Variants in TIMM50 observed in about 807,000 individuals in gnomAD.
TIMM50 encodes mitochondrial import inner membrane translocase subunit TIM50.
Under a neutral mutation model 49.6 loss-of-function variants are expected in TIMM50, and 34 were observed. That is an observed-to-expected ratio of 0.69 (90% CI 0.52 to 0.91). The LOEUF is 0.91. Ranked by LOEUF, TIMM50 falls within the 40% of genes least tolerant of loss-of-function variation. The pLI, the probability that TIMM50 is intolerant of heterozygous loss-of-function variation, is 0.00. For missense variants in TIMM50, 458 were observed against 477.8 expected (o/e 0.96, Z 0.39); for synonymous variants, 199 against 198.4 (o/e 1.00, Z -0.03).
At position 39,492,852 on chromosome 19, in the gene TIMM50, CAG is replaced by C. The variant is rs1283711284; in HGVS notation, c.*3035_*3036del. ...CACCATTGCACTCCAGCCTGGGCGA[CAG>C]AGTAAGGCTCTGTCTCCAAAAAAAA... is the stretch of plus-strand genomic sequence containing the variant. On this transcript the variant is annotated 3_prime_UTR_variant, in exon 11 of 11. Coordinates refer to ENST00000607714, the MANE Select transcript of TIMM50 (RefSeq NM_001001563.5). 1 of 103,324 alleles carries C rather than the reference CAG, an allele frequency of 9.7e-6. No homozygotes were observed. Among genetic ancestry groups the C allele is most frequent in the African/African-American group, 3.8e-5 (1 of 25,992 alleles). 6.4% of individuals were successfully genotyped at this position (103,324 alleles called of 1,614,324 possible).
intron 8 of TIMM50, among the ~76,000 whole-genome samples, chr19:39,486,754 G>A (rs1166699567): frequency 4.6e-5 from 7 of 152,184 alleles, no homozygotes; most frequent in East Asian, 1.9e-4. Flanking sequence ...AAGGTCGTAC[G>A]ATTTAGAAGC....
At position 39,480,942 on chromosome 19, in the gene TIMM50, C is replaced by T; in HGVS notation, c.89C>T (p.Pro30Leu). The T allele has an allele frequency of 3.2e-6, 5 of 1,585,658 alleles. No individual in the cohort carries two copies. The highest frequency in any genetic ancestry group is 4.3e-6 in the Non-Finnish European group (5 of 1,174,546). The change falls in exon 1 of 11, where the codon CCC (proline) becomes CTC (leucine). Residue 30 changes from proline (P) to leucine (L), a missense_variant. Pro to Leu is a moderately conservative substitution (Grantham distance 98). Transcript: ENST00000607714. ...RGLCTRLATP[P>L]RRAPDQAAEI... ...CTGTGCACGAGGTTGGCGACGCCGC[C>T]CCGCCGGGCCCCAGATCAGGTGAGC...
chr19:39,486,533 G>C, intron 8 of TIMM50, 38 bp downstream of exon 8: 1 of 1,589,388 alleles, frequency 6.3e-7, no homozygotes, highest in East Asian at 2.2e-5. Flanking sequence ...GGGATTTGGC[G>C]GAGTTGGCAC....
intron 8 of TIMM50, among the ~76,000 whole-genome samples, chr19:39,487,072 G>C (rs1446899342): frequency 6.6e-6 from 1 of 152,090 alleles, no homozygotes; most frequent in Admixed American, 6.5e-5. Context: ...TGGTTCCCTG[G>C]GTGTGGCTGC....
chr19:39,489,391 T>C (rs988054135), intron 10 of TIMM50, among the ~76,000 whole-genome samples: 1 of 152,032 alleles, frequency 6.6e-6, no homozygotes, highest in Non-Finnish European at 1.5e-5. Context: ...GGAAGGAGAT[T>C]ATGACAGTCT....
chr19:39,481,739 G>T lies in TIMM50; in HGVS notation c.109-144G>T, dbSNP rs1254981328. ...GACCCTCTGAGCAGCCCCACATCCT[G>T]ACTGCTACTCCAGGGACACAGATGT... On this transcript the variant is annotated intron_variant, in intron 1 of 10. Coordinates refer to ENST00000607714, the MANE Select transcript of TIMM50 (RefSeq NM_001001563.5). 7 of 1,077,604 alleles carry T rather than the reference G, an allele frequency of 6.5e-6. No homozygotes were observed. In the Admixed American group the frequency reaches 1.4e-4, roughly 22 times the overall value. The allele number at this position is 1,077,604 out of a possible 1,614,324, so 66.8% of individuals were successfully genotyped here. A position where few individuals can be genotyped will look rare whatever the true frequency, so the allele number is the denominator to read the frequency against.
chr19:39,485,464 T>G, intron 4 of TIMM50, 80 bp from the exon 5 acceptor site: 2 of 1,556,192 alleles, frequency 1.3e-6, no homozygotes, highest in Non-Finnish European at 1.8e-6. Context: ...TTGTATCTGG[T>G]AGATAAGAAA....
chr19:39,484,225 T>A (rs1560731), intron 4 of TIMM50, among the ~76,000 whole-genome samples: 107,030 of 151,978 alleles, frequency 0.7, 39,292 homozygotes, highest in African/African-American at 0.93. Flanking sequence ...GTAGGTAGCC[T>A]TGTAAGTTTA....
In TIMM50 at chr19:39,490,940, C is replaced by A. The variant is rs1225475377; in HGVS notation, c.*1120C>A. 1.3e-5 allele frequency: 2 copies of A among 151,886 alleles called. No individual in the cohort carries two copies. Among genetic ancestry groups the A allele is most frequent in the East Asian group, 2.0e-4 (1 of 5,008 alleles). The allele number at this position is 151,886 out of a possible 1,614,324, so 9.4% of individuals were successfully genotyped here. On this transcript the variant is annotated 3_prime_UTR_variant, in exon 11 of 11. Transcript: ENST00000607714. ...GGCTGAGGCAGGAGAATTGCTTGAA[C>A]CTGGGAGGCGGAGGTTGTGGTGAGC... is the stretch of plus-strand genomic sequence containing the variant.
intron 4 of TIMM50, among the ~76,000 whole-genome samples, chr19:39,484,225 T>C (rs1560731): frequency 6.6e-6 from 1 of 151,922 alleles, no homozygotes. Context: ...GTAGGTAGCC[T>C]TGTAAGTTTA....
chr19:39,492,316 G>GC lies in TIMM50; in HGVS notation c.*2497dup, dbSNP rs11459078. 0.016 allele frequency: 2,023 copies of GC among 127,262 alleles called. 19 individuals are homozygous for GC. The highest frequency in any genetic ancestry group is 0.025 in the Non-Finnish European group (1,453 of 57,852). 7.9% of individuals were successfully genotyped at this position (127,262 alleles called of 1,614,324 possible). A position where few individuals can be genotyped will look rare whatever the true frequency, so the allele number is the denominator to read the frequency against. ...GCAACATGGGAAGAGCCTGTCTCTT[G>GC]CGGGGGGGGGAGAAGAAAGTTCTTG... On this transcript the variant is annotated 3_prime_UTR_variant, in exon 11 of 11. Coordinates refer to ENST00000607714, the MANE Select transcript of TIMM50 (RefSeq NM_001001563.5).
In TIMM50 at chr19:39,488,154, C is replaced by T. The variant is rs187191660; in HGVS notation, c.790C>T (p.Leu264=). ...CCTGCAGCCCTATAACGGCGTTGCC[C>T]TGCGGCCCTGGGACGGCAACTCTGA... ...FRLQPYNGVA[L]RPWDGNSDDR... Residue 264 remains leucine (L), a synonymous_variant, in exon 9 of 11, where the codon CTG becomes TTG. Coordinates refer to ENST00000607714, the MANE Select transcript of TIMM50 (RefSeq NM_001001563.5). 376 of 1,614,056 alleles carry T rather than the reference C, an allele frequency of 2.3e-4. 6 individuals are homozygous for T. In the East Asian group the frequency reaches 6.4e-3, roughly 27 times the overall value.
At chr19:39,487,416 GCA>G (rs2079514050) in intron 8 of TIMM50, among the ~76,000 whole-genome samples, 1 of 152,020 alleles carries the variant, frequency 6.6e-6, no homozygotes, top group African/African-American at 2.4e-5. Context: ...GGGCCTATAG[GCA>G]CACACCACCA....
At chr19:39,482,837 A>G (rs1177279399) in intron 2 of TIMM50, 48 bp from the exon 3 acceptor site, 2 of 1,613,252 alleles carry the variant, frequency 1.2e-6, no homozygotes, top group South Asian at 2.2e-5. Flanking sequence ...CTCGGGACCC[A>G]GGGGACTGGG....
chr19:39,493,157 G>A lies in TIMM50; in HGVS notation c.*3337G>A, dbSNP rs1043275858. On this transcript the variant is annotated 3_prime_UTR_variant, in exon 11 of 11. Transcript: ENST00000607714. ...AATTTACACCATGACTCTTTGTCCTGGGGTGCACTGTCTGTAAGCCGGTGG... is the reference window on the plus strand; with the variant it reads ...AATTTACACCATGACTCTTTGTCCTAGGGTGCACTGTCTGTAAGCCGGTGG... 5 of 151,618 alleles carry A rather than the reference G, an allele frequency of 3.3e-5. No individual in the cohort carries two copies. The highest frequency in any genetic ancestry group is 1.2e-4 in the African/African-American group (5 of 41,210). The allele number at this position is 151,618 out of a possible 1,614,324, so 9.4% of individuals were successfully genotyped here.
chr19:39,483,202 C>G (rs780834043), intron 4 of TIMM50, 46 bp downstream of exon 4: 1 of 1,612,214 alleles, frequency 6.2e-7, no homozygotes, highest in East Asian at 2.2e-5. Context: ...CCTCTCAACT[C>G]TGTCATTTGT....
Position 39,486,329 on chromosome 19 carries a change from T to C in TIMM50, c.597+38T>C, listed in dbSNP as rs1865094. ...GGCAGGGGAGGGAATATTGGTGTGG[T>C]GGGAGGCGTAGAGATCTGGAGGACC... On this transcript the variant is annotated intron_variant, in intron 7 of 10. Transcript: ENST00000607714. 622,597 of 1,612,592 alleles carry C rather than the reference T, an allele frequency of 0.39. 122,101 individuals carry two copies. The highest frequency in any genetic ancestry group is 0.53 in the Middle Eastern group (3,189 of 6,048).
At chr19:39,484,463 G>A (rs971176791) in intron 4 of TIMM50, among the ~76,000 whole-genome samples, 1 of 152,068 alleles carries the variant, frequency 6.6e-6, no homozygotes, top group Admixed American at 6.6e-5. Context: ...ACTTAAACCA[G>A]GGTTTTTCAC....
In TIMM50 at chr19:39,488,054, C is replaced by T. The variant is rs779412426; in HGVS notation, c.697-7C>T. 2.5e-6 allele frequency: 4 copies of T among 1,607,038 alleles called. No individual in the cohort carries two copies. The highest frequency in any genetic ancestry group is 3.4e-6 in the Non-Finnish European group (4 of 1,174,782). On this transcript the variant is annotated splice_region_variant and splice_polypyrimidine_tract_variant and intron_variant, in intron 8 of 10. Coordinates refer to ENST00000607714, the MANE Select transcript of TIMM50 (RefSeq NM_001001563.5). The stretch of plus-strand genomic sequence containing the variant: ...AGATGTTGACCTGATCTGTCACTCA[C>T]TTCCAGGATATTTCATGTCTGAATC...
Sources: allele counts gnomAD v4.1 joint callset (sites outside exome capture counted in the v4.1 genomes callset), GRCh38; gene constraint gnomAD v4.1.1; transcripts MANE v1.5; gene names NCBI Gene and HGNC (gene_info 2026-07-23, HGNC 2026-07-21).